ADGRL2: variants seen among roughly 807,000 people sequenced by gnomAD.
ADGRL2 encodes the protein calcium-independent alpha-latrotoxin receptor 2.
A neutral mutation model predicts 157.4 loss-of-function variants in ADGRL2; 44 were observed. The ratio of observed to expected loss-of-function variants is 0.28; its 90% CI spans 0.22 to 0.36. The LOEUF (loss-of-function observed/expected upper bound fraction) is 0.36. Ranked by LOEUF, ADGRL2 falls within the 10% of genes least tolerant of loss-of-function variation. ADGRL2 has a pLI of 1.00. For missense variants in ADGRL2, 1,510 were observed against 1,768.9 expected, an observed-to-expected ratio of 0.85 and a Z score of 2.63; for synonymous variants, 585 against 624.7, an observed-to-expected ratio of 0.94 and a Z score of 0.95.
At chr1:81,444,536 AGTTCCTAACG>A (rs1428222767) in intron 1 of ADGRL2, among the ~76,000 whole-genome samples, 1 of 152,216 alleles carries the variant, frequency 6.6e-6, no homozygotes, top group African/African-American at 2.4e-5. Context: ...ACAGATGCTC[AGTTCCTAACG>A]GTCAAAGTTT....
At chr1:81,453,888 G>C (rs943361751) in intron 2 of ADGRL2, among the ~76,000 whole-genome samples, 8 of 152,226 alleles carry the variant, frequency 5.3e-5, no homozygotes, top group African/African-American at 1.9e-4. Flanking sequence ...AGCTTGCAAA[G>C]ACATGCACCA....
At chr1:81,894,977 G>A (rs1187289694) in intron 2 of ADGRL2, among the ~76,000 whole-genome samples, 1 of 152,116 alleles carries the variant, frequency 6.6e-6, no homozygotes, top group Non-Finnish European at 1.5e-5. Context: ...AATAATTTGT[G>A]GAAGGTGAAG....
chr1:81,562,239 A>C (rs2148457396), intron 2 of ADGRL2, among the ~76,000 whole-genome samples: 1 of 152,312 alleles, frequency 6.6e-6, no homozygotes, highest in Non-Finnish European at 1.5e-5. Context: ...TAGTTAAAAT[A>C]TAGATTGGTT....
chr1:81,713,011 G>A (rs2083988075), intron 1 of ADGRL2, among the ~76,000 whole-genome samples: 1 of 151,992 alleles, frequency 6.6e-6, no homozygotes, highest in African/African-American at 2.4e-5. Context: ...GCCCATCTTG[G>A]CCTCCCAAAG....
intron 9 of ADGRL2, among the ~76,000 whole-genome samples, chr1:81,952,406 C>G (rs575637743): frequency 8.3e-4 from 127 of 152,180 alleles, no homozygotes; most frequent in African/African-American, 2.9e-3. Flanking sequence ...GTGGTCAATA[C>G]TGTAAGTTTA....
At chr1:81,913,233 T>A (rs1022788179) in intron 3 of ADGRL2, among the ~76,000 whole-genome samples, 1 of 152,188 alleles carries the variant, frequency 6.6e-6, no homozygotes, top group Non-Finnish European at 1.5e-5. Flanking sequence ...ATAATTACAC[T>A]TTATTTTACT....
chr1:81,408,508 ATTAAG>A (rs2076893603), intron 1 of ADGRL2, among the ~76,000 whole-genome samples: 1 of 127,890 alleles, frequency 7.8e-6, no homozygotes, highest in Admixed American at 8.3e-5. Context: ...AACCACATTA[ATTAAG>A]ATGAGTTCAA....
rs761900766 is a variant in ADGRL2, at chr1:81,907,054, G to A, written c.111G>A (p.Arg37=). 2 of 1,614,000 alleles carry A rather than the reference G, an allele frequency of 1.2e-6. No individual in the cohort carries two copies. Among genetic ancestry groups the A allele is most frequent in the Admixed American group, 3.3e-5 (2 of 60,006 alleles). ...SRAALPFGLV[R]RELSCEGYSI... ...CAGCTTTACCATTTGGGCTGGTGAGGCGAGAATTATCCTGTGAAGGTTATT... is the reference window on the plus strand; with the variant it reads ...CAGCTTTACCATTTGGGCTGGTGAGACGAGAATTATCCTGTGAAGGTTATT... Residue 37 remains arginine (R), a synonymous_variant, in exon 3 of 24, where the codon AGG becomes AGA. Transcript: ENST00000686636.
At chr1:81,440,597 T>C (rs1182283762) in intron 1 of ADGRL2, among the ~76,000 whole-genome samples, 1 of 152,196 alleles carries the variant, frequency 6.6e-6, no homozygotes, top group African/African-American at 2.4e-5. Flanking sequence ...TCTCCACTAA[T>C]TTATAATCCT....
chr1:81,435,219 C>A lies in ADGRL2; in HGVS notation c.-301-9817C>A, dbSNP rs186205224. 2.6e-5 allele frequency among the ~76,000 whole-genome samples: 4 copies of A among 152,264 alleles called. No homozygotes were observed. In the East Asian group the frequency reaches 5.8e-4, roughly 22 times the overall value. ...GTGAGTATAATGACCCATAAACTGA[C>A]CTTTCTGCTTCACCAGCAACTGACA... is the stretch of plus-strand genomic sequence containing the variant. On this transcript the variant is annotated intron_variant, in intron 1 of 24. Coordinates refer to the ADGRL2 transcript ENST00000370721.
intron 1 of ADGRL2, among the ~76,000 whole-genome samples, chr1:81,329,586 C>A (rs1661134143): frequency 6.6e-6 from 1 of 152,162 alleles, no homozygotes. Flanking sequence ...TAGCTAAGAT[C>A]TTTTAGCTTC....
At chr1:81,887,153 G>A (rs1015538111) in intron 2 of ADGRL2, among the ~76,000 whole-genome samples, 2 of 152,166 alleles carry the variant, frequency 1.3e-5, no homozygotes, top group African/African-American at 4.8e-5. Flanking sequence ...TGAGAAGAGA[G>A]CTTTGAGTGT....
intron 1 of ADGRL2, among the ~76,000 whole-genome samples, chr1:81,353,599 C>T (rs1293909114): frequency 6.6e-6 from 1 of 152,050 alleles, no homozygotes; most frequent in East Asian, 1.9e-4. Context: ...GAAGATTTTA[C>T]AGGATATGAT....
chr1:81,740,612 G>A (rs1168583811), intron 1 of ADGRL2, among the ~76,000 whole-genome samples: 4 of 152,140 alleles, frequency 2.6e-5, no homozygotes, highest in East Asian at 3.9e-4. Flanking sequence ...AGACATACAC[G>A]GGTACATGTC....
At chr1:81,752,549 T>G (rs181642605) in intron 1 of ADGRL2, among the ~76,000 whole-genome samples, 1 of 152,304 alleles carries the variant, frequency 6.6e-6, no homozygotes, top group Admixed American at 6.5e-5. Flanking sequence ...CTTTCCTCCT[T>G]TTTTTGAAAC....
intron 1 of ADGRL2, among the ~76,000 whole-genome samples, chr1:81,411,612 G>T (rs896296200): frequency 3.9e-5 from 6 of 152,122 alleles, no homozygotes; most frequent in Admixed American, 1.3e-4. Flanking sequence ...TTAAGAAAGG[G>T]CCAGGAGCGG....
chr1:81,412,178 T>G (rs1033416894), intron 1 of ADGRL2, among the ~76,000 whole-genome samples: 1 of 152,122 alleles, frequency 6.6e-6, no homozygotes, highest in Non-Finnish European at 1.5e-5. Flanking sequence ...TAATTTCCCT[T>G]AGGTTAACAG....
intron 3 of ADGRL2, among the ~76,000 whole-genome samples, chr1:81,623,238 G>A (rs2081836341): frequency 6.6e-6 from 1 of 152,160 alleles, no homozygotes; most frequent in South Asian, 2.1e-4. Context: ...GGGAGATGCA[G>A]TAACAATGAA....
intron 1 of ADGRL2, among the ~76,000 whole-genome samples, 159 bp downstream of exon 1, chr1:81,801,227 C>G (rs1232414145): frequency 6.6e-6 from 1 of 152,206 alleles, no homozygotes; most frequent in Non-Finnish European, 1.5e-5. Flanking sequence ...TGAGTTTGCC[C>G]GAGCCCCTTG....
Sources: allele counts gnomAD v4.1 joint callset (sites outside exome capture counted in the v4.1 genomes callset), GRCh38; gene constraint gnomAD v4.1.1; transcripts MANE v1.5; gene names NCBI Gene and HGNC (gene_info 2026-07-23, HGNC 2026-07-21).